PDGFC: variants seen among roughly 807,000 people sequenced by gnomAD.
The protein encoded by PDGFC is platelet-derived growth factor C.
A neutral mutation model predicts 35.5 loss-of-function variants in PDGFC; 12 were observed. The ratio of observed to expected loss-of-function variants is 0.34; its 90% CI spans 0.22 to 0.55. PDGFC has a LOEUF of 0.55. Ranked by LOEUF, PDGFC falls within the 20% of genes least tolerant of loss-of-function variation. The pLI is 0.91. For synonymous variants in PDGFC, 159 were observed against 148.8 expected, an observed-to-expected ratio of 1.07 and a Z score of -0.50; for missense variants, 322 against 412.4, an observed-to-expected ratio of 0.78 and a Z score of 1.90.
At chr4:156,886,290 C>T (rs1730373553) in intron 1 of PDGFC, among the ~76,000 whole-genome samples, 1 of 152,084 alleles carries the variant, frequency 6.6e-6, no homozygotes, top group South Asian at 2.1e-4. Context: ...AGTAAAATGC[C>T]AATGTGCTAT....
chr4:156,939,886 A>C (rs557603195), intron 1 of PDGFC, among the ~76,000 whole-genome samples: 4 of 152,158 alleles, frequency 2.6e-5, no homozygotes, highest in Non-Finnish European at 4.4e-5. Context: ...TAAAGTTAAC[A>C]GAAGCTTACT....
intron 1 of PDGFC, among the ~76,000 whole-genome samples, chr4:156,954,735 G>A (rs890228724): frequency 6.6e-6 from 1 of 151,834 alleles, no homozygotes; most frequent in African/African-American, 2.4e-5. Context: ...AAAAGATTGA[G>A]GCTCTCCAGT....
At chr4:156,902,207 A>G (rs1730805563) in intron 1 of PDGFC, among the ~76,000 whole-genome samples, 1 of 152,248 alleles carries the variant, frequency 6.6e-6, no homozygotes, top group East Asian at 1.9e-4. Context: ...ATATCTTGTT[A>G]TAAAATATAT....
intron 1 of PDGFC, among the ~76,000 whole-genome samples, chr4:156,920,040 C>G (rs1175381677): frequency 1.3e-5 from 2 of 152,068 alleles, no homozygotes; most frequent in Non-Finnish European, 2.9e-5. Flanking sequence ...CATCTTGCTC[C>G]CCTCTCCCCA....
At chr4:156,842,676 C>T (rs1729234031) in intron 2 of PDGFC, among the ~76,000 whole-genome samples, 1 of 152,174 alleles carries the variant, frequency 6.6e-6, no homozygotes, top group African/African-American at 2.4e-5. Flanking sequence ...TACCATTACA[C>T]ACCCACCACT....
intron 4 of PDGFC, 56 bp from the exon 5 acceptor site, chr4:156,768,046 T>G: frequency 2.0e-6 from 2 of 990,922 alleles, no homozygotes; most frequent in Non-Finnish European, 3.2e-6. Context: ...TGAGCCTGAA[T>G]GTATTTCATT....
chr4:156,806,789 A>T (rs1731781563), intron 3 of PDGFC, among the ~76,000 whole-genome samples: 1 of 152,010 alleles, frequency 6.6e-6, no homozygotes. Context: ...GTTTCTTATC[A>T]TTTTAAATAA....
At chr4:156,835,346 T>C (rs1183278547) in intron 2 of PDGFC, among the ~76,000 whole-genome samples, 1 of 152,184 alleles carries the variant, frequency 6.6e-6, no homozygotes, top group African/African-American at 2.4e-5. Context: ...GTCAATTAGT[T>C]CAGCCAAGCT....
intron 4 of PDGFC, among the ~76,000 whole-genome samples, chr4:156,769,349 T>C (rs1730630171): frequency 6.6e-6 from 1 of 151,938 alleles, no homozygotes; most frequent in Non-Finnish European, 1.5e-5. Context: ...GTTATACATG[T>C]GATCAGGTGT....
intron 2 of PDGFC, among the ~76,000 whole-genome samples, chr4:156,847,223 T>C (rs1325688245): frequency 2.0e-5 from 3 of 151,498 alleles, no homozygotes; most frequent in Admixed American, 6.6e-5. Flanking sequence ...TATATTACCG[T>C]AGCAGAGCAG....
chr4:156,796,645 T>C (rs1731450408), intron 3 of PDGFC, among the ~76,000 whole-genome samples: 1 of 152,058 alleles, frequency 6.6e-6, no homozygotes, highest in Non-Finnish European at 1.5e-5. Context: ...CCATTTATTT[T>C]CTCTGAACCT....
At chr4:156,774,380 T>C (rs1279511461) in intron 3 of PDGFC, 2 of 152,224 alleles carry the variant, frequency 1.3e-5, no homozygotes, top group African/African-American at 4.8e-5. Flanking sequence ...ACCATTACAA[T>C]GACCTTTTCA....
intron 1 of PDGFC, among the ~76,000 whole-genome samples, chr4:156,930,761 G>A (rs1731531653): frequency 6.6e-6 from 1 of 152,004 alleles, no homozygotes; most frequent in Non-Finnish European, 1.5e-5. Flanking sequence ...CCAGCTACTC[G>A]GGAGGCTGAG....
At chr4:156,817,406 A>C (rs555613840) in intron 2 of PDGFC, among the ~76,000 whole-genome samples, 13 of 152,314 alleles carry the variant, frequency 8.5e-5, no homozygotes, top group Admixed American at 7.8e-4. Context: ...TATATTTTAA[A>C]AGTATAAGTA....
intron 1 of PDGFC, among the ~76,000 whole-genome samples, chr4:156,926,811 C>T (rs1195843752): frequency 6.6e-6 from 1 of 152,122 alleles, no homozygotes; most frequent in Non-Finnish European, 1.5e-5. Flanking sequence ...ATCTAGCATT[C>T]CAGGGTCTGG....
At chr4:156,837,064 T>C (rs1452396847) in intron 2 of PDGFC, among the ~76,000 whole-genome samples, 1 of 152,200 alleles carries the variant, frequency 6.6e-6, no homozygotes, top group African/African-American at 2.4e-5. Flanking sequence ...TCAGAAAATG[T>C]TATTTGAAAG....
chr4:156,814,874 C>T (rs1732037757), intron 2 of PDGFC, among the ~76,000 whole-genome samples: 1 of 152,058 alleles, frequency 6.6e-6, no homozygotes, highest in Non-Finnish European at 1.5e-5. Flanking sequence ...AATCCACTGT[C>T]CTGTAAATAG....
Position 156,761,491 on chromosome 4 carries a change from A to G in PDGFC, c.*1599T>C, listed in dbSNP as rs927800817. 4 of 152,228 alleles carry G rather than the reference A, an allele frequency of 2.6e-5. No homozygotes were observed. The highest frequency in any genetic ancestry group is 1.5e-5 in the Non-Finnish European group (1 of 68,028). The allele number at this position is 152,228 out of a possible 1,614,324, so 9.4% of individuals were successfully genotyped here. Reference sequence around the variant, plus strand: ...CAAGAGGCAGAGAAGGCTCACAGGTATCTTCCCTTTTTTTGTCTTTTGAAT... The same window carrying G: ...CAAGAGGCAGAGAAGGCTCACAGGTGTCTTCCCTTTTTTTGTCTTTTGAAT... On this transcript the variant is annotated 3_prime_UTR_variant, in exon 6 of 6. Transcript: ENST00000502773.
chr4:156,801,519 G>A (rs778330829), intron 3 of PDGFC, among the ~76,000 whole-genome samples: 3 of 152,096 alleles, frequency 2.0e-5, no homozygotes, highest in African/African-American at 7.2e-5. Context: ...CATGCAAAGC[G>A]TCTCCTACTA....
Sources: allele counts gnomAD v4.1 joint callset (sites outside exome capture counted in the v4.1 genomes callset), GRCh38; gene constraint gnomAD v4.1.1; transcripts MANE v1.5; gene names NCBI Gene and HGNC (gene_info 2026-07-23, HGNC 2026-07-21).